Variants in MTHFD1L observed in about 807,000 individuals in gnomAD.
The protein encoded by MTHFD1L is methylenetetrahydrofolate dehydrogenase (NADP+ dependent) 1 like, also known as monofunctional C1-tetrahydrofolate synthase, mitochondrial.
In MTHFD1L, 81 loss-of-function variants were observed where a neutral mutation model predicts 119.5. The observed-to-expected ratio is 0.68, with a 90% CI of 0.57 to 0.82. The LOEUF (loss-of-function observed/expected upper bound fraction) is 0.82. Ranked by LOEUF, MTHFD1L falls within the 40% of genes least tolerant of loss-of-function variation. The pLI is 0.00. For synonymous variants in MTHFD1L, 430 were observed against 475.2 expected (o/e 0.90, Z 1.24); for missense variants, 1,125 against 1,253.4 (o/e 0.90, Z 1.55).
intron 26 of MTHFD1L, chr6:151,057,218 AT>A: frequency 1.0e-6 from 1 of 984,936 alleles, no homozygotes; most frequent in Non-Finnish European, 1.2e-6. Context: ...TGTCAATCTA[AT>A]TTTTAAATTT....
chr6:150,949,056 C>G lies in MTHFD1L; in HGVS notation c.1649C>G (p.Pro550Arg), dbSNP rs767147621. ...LKKLGINKTD[P>R]STLTEEEVSK... Reference sequence around the variant, plus strand: ...AAACTGGGAATAAATAAGACTGATCCGAGCACACTGACAGAAGAGGAAGTG... The same window carrying G: ...AAACTGGGAATAAATAAGACTGATCGGAGCACACTGACAGAAGAGGAAGTG... Residue 550 changes from proline to arginine, a missense_variant, in exon 16 of 28, where the codon CCG becomes CGG. By Grantham distance (103) the Pro-to-Arg change is moderately radical. This residue lies in a region of MTHFD1L where 1,058 missense variants were observed against 1,151.2 expected (regional missense o/e 0.92). Coordinates refer to ENST00000367321, the MANE Select transcript of MTHFD1L (RefSeq NM_015440.5). 1.2e-6 allele frequency: 2 copies of G among 1,613,676 alleles called. No homozygotes were observed. The highest frequency in any genetic ancestry group is 8.5e-7 in the Non-Finnish European group (1 of 1,179,880).
intron 10 of MTHFD1L, among the ~76,000 whole-genome samples, chr6:150,923,482 G>A (rs904479059): frequency 6.9e-6 from 1 of 145,808 alleles, no homozygotes; most frequent in African/African-American, 2.5e-5. Context: ...CAGTGCCGAG[G>A]AGATAAAATC....
intron 20 of MTHFD1L, among the ~76,000 whole-genome samples, chr6:150,978,805 T>A (rs946592893): frequency 1.3e-5 from 2 of 152,152 alleles, no homozygotes. Context: ...TGATGATACA[T>A]GTCCACGATC....
At chr6:151,062,159 G>A (rs1300800821) in intron 26 of MTHFD1L, among the ~76,000 whole-genome samples, 8 of 152,152 alleles carry the variant, frequency 5.3e-5, no homozygotes, top group Admixed American at 2.0e-4. Flanking sequence ...CTCCAAGGCC[G>A]GGTGCGGTGG....
At chr6:151,057,376 C>T (rs1055397782) in intron 26 of MTHFD1L, 2 of 984,082 alleles carry the variant, frequency 2.0e-6, no homozygotes, top group African/African-American at 3.5e-5. Flanking sequence ...TACTGTGGCT[C>T]ACGTCTGTAA....
rs953817048 is a variant in MTHFD1L, at chr6:151,039,232, C to A, written c.2847+2115C>A. The stretch of plus-strand genomic sequence containing the variant: ...AAAATCCCACAGACACCGCTCGTAG[C>A]AGTGTTGGCACAGGGAGAAGGGCCT... On this transcript the variant is annotated intron_variant, in intron 26 of 27. Transcript: ENST00000367321. The surrounding 1 kb of genome is among the most constrained non-coding windows in gnomAD (Gnocchi z 4.4). Among the ~76,000 whole-genome samples, 1 of 152,088 alleles carries A rather than the reference C, an allele frequency of 6.6e-6. No individual in the cohort carries two copies. Among genetic ancestry groups the A allele is most frequent in the African/African-American group, 2.4e-5 (1 of 41,394 alleles).
chr6:151,066,996 T>TA (rs1024034816), intron 26 of MTHFD1L, among the ~76,000 whole-genome samples: 3 of 35,784 alleles, frequency 8.4e-5, no homozygotes, highest in African/African-American at 1.7e-4. Flanking sequence ...ATCAATTTGA[T>TA]TTTTTTTTTT....
At position 150,877,643 on chromosome 6, in the gene MTHFD1L, G is replaced by C. The variant is rs116360932; in HGVS notation, c.322G>C (p.Asp108His). 8.7e-6 allele frequency: 14 copies of C among 1,614,108 alleles called. 2 individuals carry two copies. The South Asian group carries it at 1.4e-4, about 16-fold the overall frequency. Reference protein sequence around the residue: ...PVLAIIQAGDDNLMQEINQNL... With the variant: ...PVLAIIQAGDHNLMQEINQNL... ...TTTTTACCTTCCTAAGGCAGGTGAC[G>C]ACAACTTGATGCAGGAAATCAACCA... is the stretch of plus-strand genomic sequence containing the variant. Residue 108 changes from aspartate to histidine, a missense_variant, in exon 3 of 28, where the codon GAC becomes CAC. Transcript: ENST00000367321.
At chr6:151,050,073 G>A (rs1315161668) in intron 26 of MTHFD1L, among the ~76,000 whole-genome samples, 1 of 152,088 alleles carries the variant, frequency 6.6e-6, no homozygotes, top group Non-Finnish European at 1.5e-5. Context: ...TGGAAGGCAG[G>A]GCACCCAGGT....
chr6:150,964,936 G>T lies in MTHFD1L; in HGVS notation c.1945-33G>T, dbSNP rs373771929. 3.7e-6 allele frequency: 6 copies of T among 1,604,016 alleles called. No individual in the cohort carries two copies. In the African/African-American group the frequency reaches 5.4e-5, roughly 14 times the overall value. On this transcript the variant is annotated intron_variant, in intron 18 of 27. Transcript: ENST00000367321. ...TTAACCATTGCCTGGATGATATTTT[G>T]TCAGGAATCTAATGTTTTTCTCTCT...
At chr6:151,035,161 T>C in intron 25 of MTHFD1L, among the ~76,000 whole-genome samples, 1 of 152,184 alleles carries the variant, frequency 6.6e-6, no homozygotes, top group Non-Finnish European at 1.5e-5. Flanking sequence ...CAAAGGCAAG[T>C]AGGCAAACAG....
At chr6:150,924,791 T>G (rs1038023732) in intron 10 of MTHFD1L, among the ~76,000 whole-genome samples, 5 of 152,314 alleles carry the variant, frequency 3.3e-5, no homozygotes, top group Non-Finnish European at 5.9e-5. Context: ...AGCTTACACA[T>G]TGTTCAAGAT....
chr6:150,994,683 G>A (rs1779582638), intron 20 of MTHFD1L, among the ~76,000 whole-genome samples: 1 of 152,150 alleles, frequency 6.6e-6, no homozygotes, highest in Non-Finnish European at 1.5e-5. Flanking sequence ...AAGAGTTTAG[G>A]ACACATCCAA....
chr6:151,032,339 G>T (rs1314730331), intron 24 of MTHFD1L, among the ~76,000 whole-genome samples: 3 of 152,030 alleles, frequency 2.0e-5, no homozygotes, highest in Non-Finnish European at 1.5e-5. Flanking sequence ...AAGGCGGGGG[G>T]AGCCAGTGCA....
chr6:150,885,402 G>C (rs1024984260), intron 5 of MTHFD1L, among the ~76,000 whole-genome samples: 1 of 152,034 alleles, frequency 6.6e-6, no homozygotes, highest in East Asian at 1.9e-4. Context: ...CGCCATGTTG[G>C]CCAGGCTAGT....
chr6:151,009,404 G>A (rs1383368908), intron 20 of MTHFD1L, among the ~76,000 whole-genome samples: 1 of 151,930 alleles, frequency 6.6e-6, no homozygotes, highest in Non-Finnish European at 1.5e-5. Flanking sequence ...GCCAGGTGTG[G>A]TGGCAAACAC....
rs1778415929 is a variant in MTHFD1L, at chr6:150,866,753, C to T, written c.227+704C>T. 4 of 998,018 alleles carry T rather than the reference C, an allele frequency of 4.0e-6. No homozygotes were observed. The African/African-American group carries it at 6.9e-5, about 17-fold the overall frequency. The allele number at this position is 998,018 out of a possible 1,614,324, so 61.8% of individuals were successfully genotyped here. On this transcript the variant is annotated intron_variant, in intron 1 of 27. Transcript: ENST00000367321. ...CGCGCAGCTGGGTTTGCAGGGTTTT[C>T]TGCGGGCCCAGAGCGAACTGGGAGC...
Position 151,009,899 on chromosome 6 carries a change from A to G in MTHFD1L, c.2206A>G (p.Asn736Asp). 6.2e-7 allele frequency: 1 copy of G among 1,613,726 alleles called. No homozygotes were observed. Among genetic ancestry groups the G allele is most frequent in the Non-Finnish European group, 8.5e-7 (1 of 1,179,860 alleles). The change falls in exon 21 of 28, where the codon AAC becomes GAC. Residue 736 changes from asparagine (N) to aspartate (D), a missense_variant. This residue lies in a region of MTHFD1L where 1,058 missense variants were observed against 1,151.2 expected (regional missense o/e 0.92). Transcript: ENST00000367321. ...IKCRASGLVP[N>D]VVVLVATVRA... Reference sequence around the variant, plus strand: ...GTGCCGAGCTTCCGGCTTGGTGCCCAACGTGGTTGTGTTAGTGGCAACGGT... The same window carrying G: ...GTGCCGAGCTTCCGGCTTGGTGCCCGACGTGGTTGTGTTAGTGGCAACGGT...
At chr6:150,912,978 A>T (rs1243710469) in intron 8 of MTHFD1L, 1 of 158,558 alleles carries the variant, frequency 6.3e-6, no homozygotes, top group African/African-American at 2.4e-5. Flanking sequence ...TAATTGCTTG[A>T]GATTCTCTGG....
Sources: allele counts gnomAD v4.1 joint callset (sites outside exome capture counted in the v4.1 genomes callset), GRCh38; gene constraint gnomAD v4.1.1; regional missense constraint gnomAD v4.1.1; non-coding constraint Gnocchi (gnomAD v3.1); transcripts MANE v1.5; gene names NCBI Gene and HGNC (gene_info 2026-07-23, HGNC 2026-07-21).